TENM2: variants seen among roughly 807,000 people sequenced by gnomAD.
The protein encoded by TENM2 is teneurin transmembrane protein 2, also known as teneurin-2.
Under a neutral mutation model 245.2 loss-of-function variants are expected in TENM2, and 52 were observed. That is an observed-to-expected ratio of 0.21 (90% CI 0.17 to 0.27). The LOEUF is 0.27. Among genes scored for constraint, TENM2 ranks in the 10% least tolerant of loss-of-function variants. TENM2 has a pLI of 1.00. For synonymous variants in TENM2, 1,363 were observed against 1,438.9 expected (o/e 0.95, Z 1.19); for missense variants, 3,046 against 3,666.8 (o/e 0.83, Z 4.37).
chr5:167,670,461 G>GTC (rs1433732286), intron 2 of TENM2, among the ~76,000 whole-genome samples: 2 of 151,284 alleles, frequency 1.3e-5, no homozygotes, highest in Non-Finnish European at 1.5e-5. Flanking sequence ...TTCTCTCTCT[G>GTC]TCTCTCTCTC....
chr5:167,096,214 A>G, the TENM2 span, among the ~76,000 whole-genome samples: 1 of 152,238 alleles, frequency 6.6e-6, no homozygotes, highest in African/African-American at 2.4e-5. Flanking sequence ...AATAAAATCA[A>G]GCTGATACTA....
chr5:167,055,998 A>G, the TENM2 span, among the ~76,000 whole-genome samples: 2 of 152,002 alleles, frequency 1.3e-5, no homozygotes, highest in African/African-American at 4.8e-5. Context: ...GATTTTAGTG[A>G]GAAAGCTTCA....
At chr5:167,548,725 C>G (rs1772735356) in intron 2 of TENM2, among the ~76,000 whole-genome samples, 1 of 152,058 alleles carries the variant, frequency 6.6e-6, no homozygotes, top group African/African-American at 2.4e-5. Context: ...ACTTTAAATA[C>G]CTAAAAATAA....
chr5:167,365,363 C>A (rs1759981176), intron 1 of TENM2, among the ~76,000 whole-genome samples: 2 of 148,880 alleles, frequency 1.3e-5, no homozygotes. Context: ...ATTTCTACCG[C>A]AAGAACCTAG....
At chr5:167,101,849 T>TTTTA in the TENM2 span, among the ~76,000 whole-genome samples, 29 of 69,438 alleles carry the variant, frequency 4.2e-4, no homozygotes, top group African/African-American at 1.6e-3. Context: ...ATATATATAT[T>TTTTA]TATATATATA....
At chr5:168,135,696 T>C (rs897982350) in intron 12 of TENM2, among the ~76,000 whole-genome samples, 1 of 151,614 alleles carries the variant, frequency 6.6e-6, no homozygotes, top group African/African-American at 2.4e-5. Flanking sequence ...AAAATGCATT[T>C]AGTTAATCTT....
intron 25 of TENM2, among the ~76,000 whole-genome samples, chr5:168,235,482 TAG>T (rs1175013634): frequency 6.6e-6 from 1 of 152,178 alleles, no homozygotes; most frequent in Non-Finnish European, 1.5e-5. Flanking sequence ...TCTTATACCT[TAG>T]CAAGGAGATA....
the TENM2 span, among the ~76,000 whole-genome samples, chr5:167,120,008 C>G: frequency 6.6e-6 from 1 of 152,054 alleles, no homozygotes; most frequent in Non-Finnish European, 1.5e-5. Flanking sequence ...GGGAGTCGAG[C>G]CTCGTAGGCA....
chr5:167,670,941 A>C (rs964000328), intron 2 of TENM2, among the ~76,000 whole-genome samples: 3 of 152,158 alleles, frequency 2.0e-5, no homozygotes, highest in African/African-American at 7.2e-5. Context: ...CCCTGGCACT[A>C]TCCCAAGTAT....
In TENM2 at chr5:168,244,284, A is replaced by C. The variant is rs1177974818; in HGVS notation, c.5521-136A>C. The stretch of plus-strand genomic sequence containing the variant: ...TGCCATGATAAGGAGCTTAGAAAGC[A>C]CTACTCTAACTTTGGGGTTATTTCT... On this transcript the variant is annotated intron_variant, in intron 25 of 28. Transcript: ENST00000518659. The surrounding 1 kb of genome is among the most constrained non-coding windows in gnomAD (Gnocchi z 4.9). 1.4e-6 allele frequency: 1 copy of C among 722,318 alleles called. No homozygotes were observed. The allele number at this position is 722,318 out of a possible 1,614,324, so 44.7% of individuals were successfully genotyped here. A position where few individuals can be genotyped will look rare whatever the true frequency, so the allele number is the denominator to read the frequency against.
intron 8 of TENM2, among the ~76,000 whole-genome samples, chr5:168,093,697 T>G (rs1031212913): frequency 2.6e-5 from 4 of 152,222 alleles, no homozygotes; most frequent in Non-Finnish European, 5.9e-5. Context: ...TCCACTTGGA[T>G]AAAATCCCAT....
Position 167,691,586 on chromosome 5 carries a change from G to A in TENM2, c.503-184400G>A, listed in dbSNP as rs116252231. ...CTTATTGTGCCAGTCTGCCTTCCCCGCTTCTGTCCCTCAGCAATCACCACC... is the reference window on the plus strand; with the variant it reads ...CTTATTGTGCCAGTCTGCCTTCCCCACTTCTGTCCCTCAGCAATCACCACC... On this transcript the variant is annotated intron_variant, in intron 2 of 28. Coordinates refer to ENST00000518659, the Ensembl canonical transcript of TENM2. 5.3e-3 allele frequency among the ~76,000 whole-genome samples: 809 copies of A among 152,208 alleles called. 2 individuals are homozygous for A. The highest frequency in any genetic ancestry group is 0.019 in the African/African-American group (780 of 41,534).
chr5:168,068,584 G>GGAGA (rs1362971609), intron 7 of TENM2, among the ~76,000 whole-genome samples: 1 of 151,888 alleles, frequency 6.6e-6, no homozygotes, highest in African/African-American at 2.4e-5. Flanking sequence ...ATATCCAGAG[G>GGAGA]GAGAGAGAGA....
chr5:167,927,380 G>A (rs565847544), intron 3 of TENM2, among the ~76,000 whole-genome samples: 3 of 152,142 alleles, frequency 2.0e-5, no homozygotes, highest in Non-Finnish European at 4.4e-5. Context: ...GTGCCTGTGA[G>A]CATCTTGGCC....
At chr5:167,294,965 C>T (rs966768803) in intron 1 of TENM2, among the ~76,000 whole-genome samples, 4 of 152,142 alleles carry the variant, frequency 2.6e-5, no homozygotes, top group African/African-American at 9.7e-5. Context: ...AAGCTTCCTG[C>T]CCTCTGAATT....
At chr5:168,211,863 C>A in intron 20 of TENM2, 109 bp downstream of exon 22, 1 of 635,642 alleles carries the variant, frequency 1.6e-6, no homozygotes. Flanking sequence ...TTTTATGTAC[C>A]AAATATAGTA....
At chr5:167,233,400 G>A in the TENM2 span, among the ~76,000 whole-genome samples, 1 of 152,016 alleles carries the variant, frequency 6.6e-6, no homozygotes, top group African/African-American at 2.4e-5. Context: ...TATCAAGCAG[G>A]AAACAAGTTA....
intron 3 of TENM2, among the ~76,000 whole-genome samples, chr5:167,927,070 G>T (rs1777824128): frequency 6.6e-6 from 1 of 152,126 alleles, no homozygotes; most frequent in South Asian, 2.1e-4. Flanking sequence ...GTAGCCCATT[G>T]TATTCGTGTG....
At chr5:168,155,549 A>G (rs1001525444) in intron 12 of TENM2, among the ~76,000 whole-genome samples, 1 of 152,074 alleles carries the variant, frequency 6.6e-6, no homozygotes, top group Non-Finnish European at 1.5e-5. Context: ...AGCCCGTCCA[A>G]TGTGGTATTG....
Sources: gnomAD v4.1 joint callset for allele counts (sites outside exome capture counted in the v4.1 genomes callset) on GRCh38, gnomAD v4.1.1 for gene constraint, Gnocchi (gnomAD v3.1) non-coding constraint, MANE v1.5 for transcripts, NCBI Gene and HGNC (gene_info 2026-07-23, HGNC 2026-07-21) for gene names.